The following PBX1 variants were observed in gnomAD, a reference collection of about 807,000 sequenced individuals.
PBX1 encodes PBX homeobox 1.
Under a neutral mutation model 53.4 loss-of-function variants are expected in PBX1, and 6 were observed. The observed-to-expected ratio is 0.11, with a 90% confidence interval of 0.06 to 0.22. The LOEUF (loss-of-function observed/expected upper bound fraction) is 0.22. Among genes scored for constraint, PBX1 ranks in the 10% least tolerant of loss-of-function variants. PBX1 has a pLI of 1.00. For synonymous variants in PBX1, 204 were observed against 212.3 expected, an observed-to-expected ratio of 0.96 and a Z score of 0.34; for missense variants, 251 against 551.4, an observed-to-expected ratio of 0.46 and a Z score of 5.46.
intron 2 of PBX1, chr1:164,774,379 G>C (rs1263555081): frequency 6.6e-6 from 1 of 152,100 alleles, no homozygotes; most frequent in Non-Finnish European, 1.5e-5. Flanking sequence ...CCCCCATCTG[G>C]TTGGTTTTAG....
intron 2 of PBX1, among the ~76,000 whole-genome samples, chr1:164,755,903 G>T (rs1666488745): frequency 6.6e-6 from 1 of 151,542 alleles, no homozygotes; most frequent in Admixed American, 6.6e-5. Flanking sequence ...CAAAGTTGGA[G>T]CTCCCCTGGC....
At chr1:164,560,860 C>T (rs1266566012) in intron 1 of PBX1, among the ~76,000 whole-genome samples, 4 of 152,174 alleles carry the variant, frequency 2.6e-5, no homozygotes, top group African/African-American at 7.2e-5. Context: ...TCTTTCAGGA[C>T]CACTTAGAAA....
At chr1:164,617,066 T>G (rs1221320005) in intron 2 of PBX1, among the ~76,000 whole-genome samples, 1 of 152,246 alleles carries the variant, frequency 6.6e-6, no homozygotes, top group Non-Finnish European at 1.5e-5. Context: ...TCTTAAATAT[T>G]ATTTTAAAAA....
intron 2 of PBX1, among the ~76,000 whole-genome samples, chr1:164,610,926 G>A (rs1256009082): frequency 1.3e-5 from 2 of 152,186 alleles, no homozygotes; most frequent in Non-Finnish European, 2.9e-5. Flanking sequence ...CATTTGTCTT[G>A]CTTTTTATTT....
chr1:164,856,174 C>G (rs1671971182), downstream of PBX1, among the ~76,000 whole-genome samples: 1 of 152,144 alleles, frequency 6.6e-6, no homozygotes, highest in Non-Finnish European at 1.5e-5. Flanking sequence ...AGGGCTTCTT[C>G]CCTGGGCACC....
At chr1:164,870,280 T>C (rs1194352906) in intron 2 of PBX1, among the ~76,000 whole-genome samples, 4 of 23,306 alleles carry the variant, frequency 1.7e-4, no homozygotes, top group Admixed American at 4.7e-4. Flanking sequence ...TTTCTTTCTT[T>C]CTTTCTTTCT....
intron 2 of PBX1, among the ~76,000 whole-genome samples, chr1:164,610,368 G>T (rs950146179): frequency 2.6e-5 from 4 of 152,102 alleles, no homozygotes; most frequent in African/African-American, 9.7e-5. Flanking sequence ...TTGGGCCACG[G>T]GGCATCATTC....
chr1:164,657,940 A>T (rs1211827050), intron 2 of PBX1, among the ~76,000 whole-genome samples: 3 of 152,122 alleles, frequency 2.0e-5, no homozygotes, highest in Non-Finnish European at 2.9e-5. Context: ...TTGCCATCTT[A>T]TCATCATAGT....
At chr1:164,716,729 C>CACACACACACACACACAA (rs796685795) in intron 2 of PBX1, among the ~76,000 whole-genome samples, 1 of 140,376 alleles carries the variant, frequency 7.1e-6, no homozygotes. Flanking sequence ...CACACACACA[C>CACACACACACACACACAA]AGAAATACAC....
intron 8 of PBX1, among the ~76,000 whole-genome samples, chr1:164,826,832 A>C (rs1431922694): frequency 6.6e-6 from 1 of 152,242 alleles, no homozygotes; most frequent in African/African-American, 2.4e-5. Flanking sequence ...AATAAGTGTC[A>C]GCATTATCTC....
intron 2 of PBX1, among the ~76,000 whole-genome samples, chr1:164,872,082 C>A (rs1046743215): frequency 9.2e-5 from 14 of 152,148 alleles, no homozygotes; most frequent in African/African-American, 3.1e-4. Context: ...AGGCTATGGA[C>A]CTTCTCCCTA....
chr1:164,844,543 A>G (rs138700374), intron 8 of PBX1, among the ~76,000 whole-genome samples: 199 of 152,346 alleles, frequency 1.3e-3, no homozygotes, highest in Non-Finnish European at 1.9e-3. Flanking sequence ...CCCAAGTAGT[A>G]GGATTATGGG....
At chr1:164,873,631 C>T (rs1012664527) in intron 2 of PBX1, among the ~76,000 whole-genome samples, 4 of 152,136 alleles carry the variant, frequency 2.6e-5, no homozygotes, top group Non-Finnish European at 4.4e-5. Flanking sequence ...GGTGGTGACA[C>T]CTTATTTCAC....
intron 8 of PBX1, among the ~76,000 whole-genome samples, chr1:164,836,697 AC>A (rs1671056957): frequency 6.6e-6 from 1 of 151,898 alleles, no homozygotes; most frequent in Non-Finnish European, 1.5e-5. Context: ...ATCTCCCACA[AC>A]CCTTCTGTTA....
chr1:164,616,961 A>G (rs1657320232), intron 2 of PBX1, among the ~76,000 whole-genome samples: 2 of 152,226 alleles, frequency 1.3e-5, no homozygotes, highest in South Asian at 4.1e-4. Flanking sequence ...TAAATGGTAG[A>G]ACTGGGACTT....
At chr1:164,791,213 G>T (rs912048013) in intron 2 of PBX1, among the ~76,000 whole-genome samples, 3 of 151,794 alleles carry the variant, frequency 2.0e-5, no homozygotes, top group African/African-American at 4.9e-5. Flanking sequence ...TTTTATGGGA[G>T]GTTGTCTGAA....
At chr1:164,645,460 C>A (rs1366212747) in intron 2 of PBX1, among the ~76,000 whole-genome samples, 1 of 151,920 alleles carries the variant, frequency 6.6e-6, no homozygotes, top group Non-Finnish European at 1.5e-5. Context: ...ATATGGAATT[C>A]ATTTCCTTGA....
intron 2 of PBX1, among the ~76,000 whole-genome samples, chr1:164,870,257 C>CCTTG (rs1672326337): frequency 2.7e-5 from 2 of 73,612 alleles, no homozygotes; most frequent in Admixed American, 3.2e-4. Context: ...TTCCTTCCTT[C>CCTTG]CTTCCTTCCT....
rs114009340 is a variant in PBX1 at position 164,868,206 on chromosome 1, T to A, written n.258-30982T>A. Among the ~76,000 whole-genome samples the A allele has an allele frequency of 9.0e-4, 136 of 151,878 alleles. No homozygotes were observed. The Middle Eastern group carries it at 0.02, about 23-fold the overall frequency. On this transcript the variant is annotated intron_variant and non_coding_transcript_variant, in intron 2 of 2. Transcript: ENST00000558796. ...TTTCCAGTTGAGCCACAGCCAGAGG[T>A]GACTTCTGAGGGGGGCCATTTTTTT...
Sources: gnomAD v4.1 joint callset for allele counts (sites outside exome capture counted in the v4.1 genomes callset) on GRCh38, gnomAD v4.1.1 for gene constraint, MANE v1.5 for transcripts, NCBI Gene and HGNC (gene_info 2026-07-23, HGNC 2026-07-21) for gene names.